PDE11A: variants seen among roughly 807,000 people sequenced by gnomAD.
PDE11A encodes phosphodiesterase 11A.
A neutral mutation model predicts 100.5 loss-of-function variants in PDE11A; 100 were observed. The observed-to-expected ratio is 1.00, with a 90% CI of 0.85 to 1.18. The LOEUF (loss-of-function observed/expected upper bound fraction) is 1.18. PDE11A is among the 50% of genes most tolerant of loss of function. The pLI, the probability that PDE11A is intolerant of heterozygous loss-of-function variation, is 0.00. For synonymous variants in PDE11A, 381 were observed against 420.8 expected (o/e 0.91, Z 1.16); for missense variants, 1,141 against 1,152.6 (o/e 0.99, Z 0.15).
chr2:177,713,555 T>C (rs562862643), intron 12 of PDE11A, among the ~76,000 whole-genome samples: 5 of 151,992 alleles, frequency 3.3e-5, no homozygotes, highest in Admixed American at 6.6e-5. Context: ...CAAAACCCCA[T>C]CTTTACTGAA....
At chr2:177,757,189 C>T (rs1234036043) in intron 10 of PDE11A, among the ~76,000 whole-genome samples, 8 of 152,138 alleles carry the variant, frequency 5.3e-5, no homozygotes, top group African/African-American at 1.9e-4. Flanking sequence ...AGGTAAGGCA[C>T]CAAAAACTGG....
chr2:177,749,110 T>A (rs1490820715), intron 10 of PDE11A, among the ~76,000 whole-genome samples: 2 of 152,240 alleles, frequency 1.3e-5, no homozygotes, highest in African/African-American at 4.8e-5. Context: ...CAAGGATGGA[T>A]AGGCCAGGCT....
intron 2 of PDE11A, among the ~76,000 whole-genome samples, chr2:177,960,176 A>G (rs1488762423): frequency 2.0e-5 from 3 of 152,046 alleles, no homozygotes; most frequent in African/African-American, 4.8e-5. Flanking sequence ...TTAGAGTTTC[A>G]AAGTGTCACC....
At chr2:177,949,177 A>G (rs2085477533) in intron 2 of PDE11A, among the ~76,000 whole-genome samples, 1 of 152,202 alleles carries the variant, frequency 6.6e-6, no homozygotes, top group Non-Finnish European at 1.5e-5. Flanking sequence ...AAAATCAGTC[A>G]TCCTAAACAA....
intron 9 of PDE11A, among the ~76,000 whole-genome samples, chr2:177,795,243 C>T (rs1055670160): frequency 2.0e-5 from 3 of 152,026 alleles, no homozygotes; most frequent in Non-Finnish European, 2.9e-5. Context: ...GTGGGACACA[C>T]TTTTGGAAAT....
chr2:177,850,623 T>C (rs1243259480), intron 5 of PDE11A, among the ~76,000 whole-genome samples: 1 of 152,126 alleles, frequency 6.6e-6, no homozygotes, highest in Non-Finnish European at 1.5e-5. Context: ...AGAAAATTTT[T>C]ACAATCTACT....
intron 19 of PDE11A, among the ~76,000 whole-genome samples, chr2:177,634,448 G>T (rs1238427120): frequency 6.6e-6 from 1 of 150,604 alleles, no homozygotes; most frequent in Non-Finnish European, 1.5e-5. Flanking sequence ...GAGTGCAGTG[G>T]GGCGATCTCG....
chr2:178,005,907 C>T (rs1184724891), intron 2 of PDE11A, among the ~76,000 whole-genome samples: 1 of 152,094 alleles, frequency 6.6e-6, no homozygotes, highest in Admixed American at 6.6e-5. Flanking sequence ...GATGTTGCAA[C>T]TAAGCATTTA....
intron 2 of PDE11A, among the ~76,000 whole-genome samples, chr2:177,945,720 A>T (rs1225273640): frequency 6.7e-6 from 1 of 149,274 alleles, no homozygotes; most frequent in Non-Finnish European, 1.5e-5. Flanking sequence ...CCCGTCCGGG[A>T]GGGAGGTGGG....
At chr2:177,956,678 A>T (rs1014243444) in intron 2 of PDE11A, among the ~76,000 whole-genome samples, 5 of 152,252 alleles carry the variant, frequency 3.3e-5, no homozygotes, top group African/African-American at 9.6e-5. Flanking sequence ...CAACAACGAT[A>T]GACTGGATTA....
chr2:178,018,252 T>C, intron 1 of PDE11A: 1 of 413,774 alleles, frequency 2.4e-6, no homozygotes, highest in East Asian at 6.1e-5. Context: ...ATCCTTGCTC[T>C]GCGATGGACT....
chr2:177,963,290 G>A (rs1164724619), intron 2 of PDE11A, among the ~76,000 whole-genome samples: 2 of 152,074 alleles, frequency 1.3e-5, no homozygotes, highest in African/African-American at 4.8e-5. Flanking sequence ...ACGGATTCCA[G>A]AGGAAACATC....
Position 177,629,547 on chromosome 2 carries a change from T to A in PDE11A, c.2662A>T (p.Asn888Tyr), listed in dbSNP as rs1390593150. ...MPLYQALVKV[N>Y]VKLKPMLDSV... ...TCTAGCATCGGCTTCAGTTTCACGT[T>A]GACCTTCACCAGTGCCTAAAACAAA... Residue 888 changes from asparagine (N) to tyrosine (Y), a missense_variant, in exon 20 of 20, where the codon AAC (asparagine) becomes TAC (tyrosine). Asn to Tyr is a moderately radical substitution (Grantham distance 143). Coordinates refer to ENST00000286063, the MANE Select transcript of PDE11A (RefSeq NM_016953.4). 40 of 1,614,052 alleles carry A rather than the reference T, an allele frequency of 2.5e-5. 1 individual carries two copies. In the South Asian group the frequency reaches 3.8e-4, roughly 16 times the overall value.
chr2:178,039,304 C>T (rs2086655443), intron 1 of PDE11A, among the ~76,000 whole-genome samples: 1 of 152,092 alleles, frequency 6.6e-6, no homozygotes, highest in African/African-American at 2.4e-5. Context: ...TGCATGTTCT[C>T]ACTTATAAGT....
At chr2:177,957,647 CTT>C (rs1166099649) in intron 2 of PDE11A, among the ~76,000 whole-genome samples, 7 of 152,180 alleles carry the variant, frequency 4.6e-5, no homozygotes, top group African/African-American at 7.2e-5. Flanking sequence ...GGCCCTCTCT[CTT>C]GTCACACTCA....
intron 2 of PDE11A, among the ~76,000 whole-genome samples, chr2:177,919,801 T>C (rs904777104): frequency 3.3e-5 from 5 of 152,098 alleles, no homozygotes; most frequent in Non-Finnish European, 5.9e-5. Flanking sequence ...AAGGTAATTC[T>C]AAAATTCAAA....
At chr2:177,780,736 T>G (rs940979570) in intron 9 of PDE11A, among the ~76,000 whole-genome samples, 7 of 152,256 alleles carry the variant, frequency 4.6e-5, no homozygotes, top group Admixed American at 2.6e-4. Context: ...CATGAATCTC[T>G]GCTAGCTTCA....
intron 4 of PDE11A, among the ~76,000 whole-genome samples, chr2:177,881,729 A>G (rs1415610473): frequency 6.6e-6 from 1 of 152,234 alleles, no homozygotes; most frequent in African/African-American, 2.4e-5. Flanking sequence ...TCATTGTAAC[A>G]AAGCCATACT....
At chr2:177,769,421 A>C in intron 9 of PDE11A, 48 bp from the exon 10 acceptor site, 1 of 1,076,850 alleles carries the variant, frequency 9.3e-7, no homozygotes, top group Non-Finnish European at 1.4e-6. Flanking sequence ...ACATGACTGT[A>C]TTTTCTGAAA....
Sources: allele counts gnomAD v4.1 joint callset (sites outside exome capture counted in the v4.1 genomes callset), GRCh38; gene constraint gnomAD v4.1.1; transcripts MANE v1.5; gene names NCBI Gene and HGNC (gene_info 2026-07-23, HGNC 2026-07-21).